Variants in SOS1 observed in about 807,000 individuals in gnomAD.
SOS1 encodes the protein son of sevenless homolog 1.
In SOS1, 25 loss-of-function variants were observed where a neutral mutation model predicts 157.6. The ratio of observed to expected loss-of-function variants is 0.16; its 90% CI spans 0.12 to 0.22. The LOEUF is 0.22. Ranked by LOEUF, SOS1 falls within the 10% of genes least tolerant of loss-of-function variation. The pLI is 1.00. For synonymous variants in SOS1, 528 were observed against 534.0 expected (o/e 0.99, Z 0.16); for missense variants, 1,237 against 1,599.1 (o/e 0.77, Z 3.86).
upstream of SOS1, among the ~76,000 whole-genome samples, chr2:39,122,507 G>A (rs868571319): frequency 1.9e-4 from 29 of 151,180 alleles, no homozygotes; most frequent in Admixed American, 5.3e-4. Flanking sequence ...AGTGGCTCAC[G>A]CCTGTAATCC....
rs1161585574 is a variant in SOS1 at position 39,120,880 on chromosome 2, G to T, written c.-458C>A. The T allele has an allele frequency of 6.5e-6, 1 of 153,194 alleles. No individual in the cohort carries two copies. 9.5% of individuals were successfully genotyped at this position (153,194 alleles called of 1,614,324 possible). On this transcript the variant is annotated 5_prime_UTR_variant, in exon 1 of 23. Transcript: ENST00000402219. ...GCGTAGTTGGGACTCCGAAACGCAA[G>T]AGCCCCGGGCGGGGCGGAGCTGGGG...
At chr2:39,006,354 G>T in intron 17 of SOS1, 58 bp downstream of exon 17, 1 of 854,198 alleles carries the variant, frequency 1.2e-6, no homozygotes. Context: ...GTCATTTAAT[G>T]AAATGAGTGT....
intron 2 of SOS1, among the ~76,000 whole-genome samples, chr2:39,059,427 C>G (rs1008806287): frequency 6.6e-6 from 1 of 152,052 alleles, no homozygotes; most frequent in Non-Finnish European, 1.5e-5. Context: ...TGAAAGAACT[C>G]AGGTTACTAT....
chr2:38,999,128 C>T (rs1021424769), intron 17 of SOS1, among the ~76,000 whole-genome samples: 3 of 152,064 alleles, frequency 2.0e-5, no homozygotes, highest in Non-Finnish European at 4.4e-5. Context: ...AGAATAAGTC[C>T]CAAAAAATGA....
intron 4 of SOS1, 21 bp downstream of exon 4, chr2:39,056,681 T>C (rs772446461): frequency 2.0e-5 from 31 of 1,541,388 alleles, no homozygotes; most frequent in Non-Finnish European, 1.7e-5. Flanking sequence ...AAGAAAAAAA[T>C]AGAAAAGCTC....
In SOS1 at chr2:39,045,273, A is replaced by AGAGAGTGTGT. The variant is rs138343013; in HGVS notation, c.864+5870_864+5871insACACACTCTC. Among the ~76,000 whole-genome samples the AGAGAGTGTGT allele has an allele frequency of 8.5e-3, 919 of 107,998 alleles. 9 individuals are homozygous for AGAGAGTGTGT. The highest frequency in any genetic ancestry group is 0.016 in the Middle Eastern group (3 of 188). 70.9% of individuals were successfully genotyped at this position (107,998 alleles called of 152,430 possible). On this transcript the variant is annotated intron_variant, in intron 6 of 22. Coordinates refer to ENST00000402219, the MANE Select transcript of SOS1 (RefSeq NM_005633.4). ...GAGAGAGAGAGAGAGAGAGAGAGAG[A>AGAGAGTGTGT]GTGTGTGTGTGTGTGTGTGTGTGTG...
intron 8 of SOS1, among the ~76,000 whole-genome samples, chr2:39,034,576 T>G (rs557020795): frequency 6.6e-6 from 1 of 152,346 alleles, no homozygotes; most frequent in Admixed American, 6.5e-5. Context: ...ATACAGACTT[T>G]TATTTAATTT....
Position 39,006,492 on chromosome 2 carries a change from GCTT to G in SOS1, c.2708_2710del (p.Glu903del). 6.2e-7 allele frequency: 1 copy of G among 1,608,964 alleles called. No homozygotes were observed. The highest frequency in any genetic ancestry group is 8.5e-7 in the Non-Finnish European group (1 of 1,175,850). ...ATAGTGATCTTCACTCAATTCATGA[GCTT>G]CTTCTAAAATTTTCTTCTGGCGACT... On this transcript the variant is annotated inframe_deletion, in exon 17 of 23. Coordinates refer to ENST00000402219, the MANE Select transcript of SOS1 (RefSeq NM_005633.4).
At chr2:39,012,413 A>AT in intron 13 of SOS1, 65 bp from the exon 14 acceptor site, 1 of 788,936 alleles carries the variant, frequency 1.3e-6, no homozygotes, top group Non-Finnish European at 1.8e-6. Flanking sequence ...TATTTTAAAA[A>AT]TGGTTTAAAG....
At chr2:39,000,058 G>A (rs1163112004) in intron 17 of SOS1, among the ~76,000 whole-genome samples, 1 of 152,112 alleles carries the variant, frequency 6.6e-6, no homozygotes, top group Admixed American at 6.6e-5. Context: ...ATATTTAAGA[G>A]GTAGACTCCC....
Position 38,982,992 on chromosome 2 carries a change from A to T in SOS1, c.*2832T>A, listed in dbSNP as rs1186658919. On this transcript the variant is annotated 3_prime_UTR_variant, in exon 23 of 23. Transcript: ENST00000402219. ...CATCCTTGAGTTGTTAGAGAATAGTAACCTACTAAACATAATTTGATGCCC... is the reference window on the plus strand; with the variant it reads ...CATCCTTGAGTTGTTAGAGAATAGTTACCTACTAAACATAATTTGATGCCC... The T allele has an allele frequency of 6.6e-6, 1 of 152,170 alleles. No homozygotes were observed. The highest frequency in any genetic ancestry group is 1.5e-5 in the Non-Finnish European group (1 of 68,016). The allele number at this position is 152,170 out of a possible 1,614,324, so 9.4% of individuals were successfully genotyped here.
At chr2:39,054,477 T>G (rs187002061) in intron 5 of SOS1, 137 bp downstream of exon 5, 3 of 627,236 alleles carry the variant, frequency 4.8e-6, no homozygotes, top group Admixed American at 5.6e-5. Context: ...TTGTAAAACT[T>G]TGTGATCATG....
At chr2:39,094,341 G>A (rs939584574) in intron 1 of SOS1, among the ~76,000 whole-genome samples, 2 of 151,966 alleles carry the variant, frequency 1.3e-5, no homozygotes, top group African/African-American at 4.8e-5. Context: ...GGGGAGCCTC[G>A]ATAATTTTTT....
rs570857640 is a variant in SOS1 at position 39,063,961 on chromosome 2, T to C, written c.213+3667A>G. ...GATCCTCCCACCTCAACCTCTCAGG[T>C]GGCTGGGACTACAGGCATGTAGCCC... On this transcript the variant is annotated intron_variant, in intron 2 of 22. Transcript: ENST00000402219. Among the ~76,000 whole-genome samples, 97 of 152,138 alleles carry C rather than the reference T, an allele frequency of 6.4e-4. 1 individual carries two copies. The highest frequency in any genetic ancestry group is 2.2e-3 in the African/African-American group (90 of 41,502).
At chr2:39,039,683 C>T (rs1207610740) in intron 6 of SOS1, among the ~76,000 whole-genome samples, 1 of 152,158 alleles carries the variant, frequency 6.6e-6, no homozygotes, top group African/African-American at 2.4e-5. Flanking sequence ...AATTCTAATA[C>T]ATTCACTTCA....
At position 39,049,874 on chromosome 2, in the gene SOS1, C is replaced by T. The variant is rs529080652; in HGVS notation, c.864+1270G>A. ...GTAGATACCAGGTTGGCAGATTTTC[C>T]CAGCATCCTGTTATAAGGAGGGACT... On this transcript the variant is annotated intron_variant, in intron 6 of 22. Coordinates refer to ENST00000402219, the MANE Select transcript of SOS1 (RefSeq NM_005633.4). 3.3e-5 allele frequency among the ~76,000 whole-genome samples: 5 copies of T among 152,216 alleles called. No individual in the cohort carries two copies. In the South Asian group the frequency reaches 6.2e-4, roughly 19 times the overall value.
At chr2:39,056,001 G>A (rs1671198648) in intron 4 of SOS1, among the ~76,000 whole-genome samples, 1 of 152,144 alleles carries the variant, frequency 6.6e-6, no homozygotes, top group African/African-American at 2.4e-5. Context: ...TATTATTATT[G>A]TAAAACCACA....
chr2:39,021,700 TAAA>T (rs941775967), intron 10 of SOS1, among the ~76,000 whole-genome samples: 1 of 151,660 alleles, frequency 6.6e-6, no homozygotes, highest in Non-Finnish European at 1.5e-5. Flanking sequence ...TAAGGGGACT[TAAA>T]AACCAGGAAA....
rs774579234 is a variant in SOS1 at position 38,987,513 on chromosome 2, C to G, written c.3470G>C (p.Arg1157Thr). 1 of 1,603,938 alleles carries G rather than the reference C, an allele frequency of 6.2e-7. No individual in the cohort carries two copies. The highest frequency in any genetic ancestry group is 8.5e-7 in the Non-Finnish European group (1 of 1,172,924). ...TTCTGCTGGGGCAGATTCTGGTCGT[C>G]TTCGTGGAGGAACAGGAGGAGGGAC... Reference protein sequence around the residue: ...VPVPPPVPPRRRPESAPAESS... With the variant: ...VPVPPPVPPRTRPESAPAESS... Residue 1157 changes from arginine to threonine, a missense_variant, in exon 22 of 23, where the codon AGA (arginine) becomes ACA (threonine). Physicochemically the swap from Arg to Thr is moderately conservative, Grantham distance 71. This residue lies in a region of SOS1 where 306 missense variants were observed against 322.6 expected (regional missense o/e 0.95). Coordinates refer to ENST00000402219, the MANE Select transcript of SOS1 (RefSeq NM_005633.4).
Sources: gnomAD v4.1 joint callset for allele counts (sites outside exome capture counted in the v4.1 genomes callset) on GRCh38, gnomAD v4.1.1 for gene constraint, gnomAD v4.1.1 regional missense constraint, MANE v1.5 for transcripts, NCBI Gene and HGNC (gene_info 2026-07-23, HGNC 2026-07-21) for gene names.